Variants in ELOVL6 observed in about 807,000 individuals in gnomAD.
ELOVL6 encodes the protein very long chain fatty acid elongase 6.
A neutral mutation model predicts 31.7 loss-of-function variants in ELOVL6; 8 were observed. That is an observed-to-expected ratio of 0.25 (90% CI 0.15 to 0.45). ELOVL6 has a LOEUF of 0.45. Ranked by LOEUF, ELOVL6 falls within the 20% of genes least tolerant of loss-of-function variation. The probability of loss-of-function intolerance (pLI) is 1.00; values close to 1 mark genes in which losing one functional copy is unlikely to be tolerated. For synonymous variants in ELOVL6, 101 were observed against 117.7 expected (o/e 0.86, Z 0.92); for missense variants, 126 against 326.4 (o/e 0.39, Z 4.73).
intron 2 of ELOVL6, among the ~76,000 whole-genome samples, chr4:110,073,724 A>G (rs1755555017): frequency 6.6e-6 from 1 of 152,214 alleles, no homozygotes. Context: ...CAGCCAGTCC[A>G]GCAGAGAGGA....
chr4:110,130,604 T>G (rs1757640083), intron 1 of ELOVL6, among the ~76,000 whole-genome samples: 1 of 152,232 alleles, frequency 6.6e-6, no homozygotes, highest in African/African-American at 2.4e-5. Context: ...AAGGACAACG[T>G]TCTGTGAACA....
intron 2 of ELOVL6, among the ~76,000 whole-genome samples, chr4:110,093,768 C>T (rs1162482057): frequency 6.6e-6 from 1 of 151,976 alleles, no homozygotes; most frequent in East Asian, 1.9e-4. Flanking sequence ...TGGGACGAGA[C>T]AGATAATGAA....
rs535271433 is a variant in ELOVL6 at position 110,105,761 on chromosome 4, C to G, written c.90-133G>C. 1.4e-5 allele frequency: 11 copies of G among 774,986 alleles called. No individual in the cohort carries two copies. The African/African-American group carries it at 1.8e-4, about 12-fold the overall frequency. The allele number at this position is 774,986 out of a possible 1,614,324, so 48.0% of individuals were successfully genotyped here. ...ATTCCTGCTTCACTGAAGAGGGAGT[C>G]TAGTCTACACGGCAAACTAGTGTTC... is the stretch of plus-strand genomic sequence containing the variant. On this transcript the variant is annotated intron_variant, in intron 1 of 3. Transcript: ENST00000302274.
intron 1 of ELOVL6, among the ~76,000 whole-genome samples, chr4:110,129,489 G>T (rs1332853996): frequency 6.6e-6 from 1 of 152,224 alleles, no homozygotes; most frequent in Non-Finnish European, 1.5e-5. Flanking sequence ...GCCCATCCAT[G>T]ATACTCATTT....
intron 2 of ELOVL6, among the ~76,000 whole-genome samples, chr4:110,065,633 ACAACAGCAAC>A (rs1266415150): frequency 6.6e-6 from 1 of 152,206 alleles, no homozygotes; most frequent in Non-Finnish European, 1.5e-5. Context: ...CAAAACGACA[ACAACAGCAAC>A]AACAACAAAA....
intron 1 of ELOVL6, among the ~76,000 whole-genome samples, chr4:110,141,651 G>A (rs1299501295): frequency 6.7e-6 from 1 of 148,692 alleles, no homozygotes; most frequent in African/African-American, 2.5e-5. Flanking sequence ...GTATTGTATT[G>A]TATTAGTATA....
At chr4:110,139,757 A>T (rs1271624773) in intron 1 of ELOVL6, among the ~76,000 whole-genome samples, 1 of 152,130 alleles carries the variant, frequency 6.6e-6, no homozygotes, top group Non-Finnish European at 1.5e-5. Flanking sequence ...CTCATTCGAC[A>T]GGTACCACCC....
At chr4:110,088,336 A>T (rs1756327938) in intron 2 of ELOVL6, among the ~76,000 whole-genome samples, 1 of 152,190 alleles carries the variant, frequency 6.6e-6, no homozygotes, top group Admixed American at 6.5e-5. Flanking sequence ...GGCATACAGT[A>T]CACTCCTCTT....
At chr4:110,194,178 G>C (rs2126283259) in intron 1 of ELOVL6, among the ~76,000 whole-genome samples, 1 of 152,084 alleles carries the variant, frequency 6.6e-6, no homozygotes, top group East Asian at 1.9e-4. Flanking sequence ...TCCAACTTAA[G>C]TCAGCTCTTA....
chr4:110,151,735 A>T (rs566581601), intron 1 of ELOVL6, among the ~76,000 whole-genome samples: 1 of 152,224 alleles, frequency 6.6e-6, no homozygotes, highest in East Asian at 1.9e-4. Context: ...TGGACTTTTG[A>T]ATGAGAGATC....
rs1163599448 is a variant in ELOVL6 at position 110,084,551 on chromosome 4, C to CAGATATATATTT, written c.221+20945_221+20946insAAATATATATCT. Among the ~76,000 whole-genome samples the CAGATATATATTT allele has an allele frequency of 1.2e-3, 80 of 64,648 alleles. 1 individual carries two copies. Among genetic ancestry groups the CAGATATATATTT allele is most frequent in the East Asian group, 2.6e-3 (5 of 1,892 alleles). 42.4% of individuals were successfully genotyped at this position (64,648 alleles called of 152,430 possible). On this transcript the variant is annotated intron_variant, in intron 2 of 3. Transcript: ENST00000302274. ...ACACTTACACACACACACACACACA[C>CAGATATATATTT]ACACACACACAGATATATATATATA...
chr4:110,163,907 T>A (rs1244225210), intron 1 of ELOVL6, among the ~76,000 whole-genome samples: 2 of 152,144 alleles, frequency 1.3e-5, no homozygotes, highest in Non-Finnish European at 1.5e-5. Context: ...TAAATCTGAG[T>A]CATAGTGACA....
At position 110,051,682 on chromosome 4, in the gene ELOVL6, A is replaced by G; in HGVS notation, c.454T>C (p.Ser152Pro). The change falls in exon 4 of 4, where the codon TCT (serine) becomes CCT (proline). Residue 152 changes from serine to proline, a missense_variant. This residue lies in a region of ELOVL6 where 53 missense variants were observed against 193.4 expected (regional missense o/e 0.27). Transcript: ENST00000302274. The surrounding 1 kb of genome is among the most constrained non-coding windows in gnomAD (Gnocchi z 4.8). The part of the protein sequence containing the change: ...WYHHITVLLY[S>P]WYSYKDMVAG... The stretch of plus-strand genomic sequence containing the variant: ...ACCATGTCTTTGTAGGAGTACCAAG[A>G]GTACAGGAGCACAGTGATGTGGTGA... The G allele has an allele frequency of 6.2e-7, 1 of 1,614,202 alleles. No homozygotes were observed. The highest frequency in any genetic ancestry group is 8.5e-7 in the Non-Finnish European group (1 of 1,180,020).
At chr4:110,171,718 GTCTC>G (rs1560856182) in intron 1 of ELOVL6, among the ~76,000 whole-genome samples, 1 of 125,802 alleles carries the variant, frequency 7.9e-6, no homozygotes, top group African/African-American at 3.0e-5. Context: ...TTGAGACAGG[GTCTC>G]TCTCTGTGTT....
chr4:110,077,803 G>T (rs1755692284), intron 2 of ELOVL6, among the ~76,000 whole-genome samples: 1 of 152,146 alleles, frequency 6.6e-6, no homozygotes, highest in East Asian at 1.9e-4. Flanking sequence ...GCTAAAGGAG[G>T]AAGTTCGAAC....
At chr4:110,163,057 C>G (rs1758675298) in intron 1 of ELOVL6, among the ~76,000 whole-genome samples, 1 of 152,190 alleles carries the variant, frequency 6.6e-6, no homozygotes, top group African/African-American at 2.4e-5. Flanking sequence ...AGTACAGAAT[C>G]ACACTGAGAA....
chr4:110,193,126 A>C (rs56175654), intron 1 of ELOVL6, among the ~76,000 whole-genome samples: 30,957 of 152,156 alleles, frequency 0.2, 3,588 homozygotes, highest in East Asian at 0.37. Flanking sequence ...ACAACAGCCA[A>C]ATACTATGTC....
chr4:110,117,792 G>C (rs1164342901), intron 1 of ELOVL6: 1 of 137,568 alleles, frequency 7.3e-6, no homozygotes, highest in Non-Finnish European at 1.6e-5. Context: ...TGAGGCAGGA[G>C]AATGGCGTGA....
chr4:110,162,557 T>C (rs1252882324), intron 1 of ELOVL6, among the ~76,000 whole-genome samples: 3 of 129,534 alleles, frequency 2.3e-5, no homozygotes, highest in Non-Finnish European at 4.8e-5. Flanking sequence ...TTGCCCAAGC[T>C]AGTCTCCAAC....
Sources: gnomAD v4.1 joint callset for allele counts (sites outside exome capture counted in the v4.1 genomes callset) on GRCh38, gnomAD v4.1.1 for gene constraint, gnomAD v4.1.1 regional missense constraint, Gnocchi (gnomAD v3.1) non-coding constraint, MANE v1.5 for transcripts, NCBI Gene and HGNC (gene_info 2026-07-23, HGNC 2026-07-21) for gene names.